Variants in SLC22A14 observed in about 807,000 individuals in gnomAD.
SLC22A14 encodes the protein organic cation transporter-like 4.
Under a neutral mutation model 53.9 loss-of-function variants are expected in SLC22A14, and 50 were observed. The observed-to-expected ratio is 0.93, with a 90% CI of 0.74 to 1.17. The LOEUF is 1.17. SLC22A14 is among the 50% of genes most tolerant of loss of function. SLC22A14 has a pLI of 0.00. For missense variants in SLC22A14, 671 were observed against 734.7 expected (o/e 0.91, Z 1.00); for synonymous variants, 312 against 303.0 (o/e 1.03, Z -0.31).
At chr3:38,304,913 A>G (rs73825521) in intron 1 of SLC22A14, among the ~76,000 whole-genome samples, 9,854 of 152,182 alleles carry the variant, frequency 0.065, 372 homozygotes, top group East Asian at 0.16. Flanking sequence ...TAAATCTTCT[A>G]TCTACCAAGT....
At chr3:38,313,691 C>CGCGCGCGCGT (rs770295334) in intron 7 of SLC22A14, 36 bp from the exon 8 acceptor site, 6 of 941,022 alleles carry the variant, frequency 6.4e-6, no homozygotes, top group East Asian at 6.9e-5. Context: ...TGTGTGCGCG[C>CGCGCGCGCGT]GTGTGCACGC....
At chr3:38,305,661 C>CG in intron 1 of SLC22A14, 3 of 199,452 alleles carry the variant, frequency 1.5e-5, no homozygotes, top group South Asian at 2.5e-4. Flanking sequence ...AAGAAAAGGT[C>CG]CCTAGAGACC....
At chr3:38,306,595 C>G in intron 2 of SLC22A14, 53 bp downstream of exon 2, 1 of 1,516,374 alleles carries the variant, frequency 6.6e-7, no homozygotes, top group Non-Finnish European at 9.0e-7. Context: ...AGAGTTGTGC[C>G]TCCCACCCTC....
At chr3:38,314,608 C>T (rs956313712) in intron 8 of SLC22A14, among the ~76,000 whole-genome samples, 4 of 152,334 alleles carry the variant, frequency 2.6e-5, no homozygotes, top group Non-Finnish European at 4.4e-5. Context: ...TGACTGCCTG[C>T]GGAGCCCTTT....
intron 6 of SLC22A14, 104 bp from the exon 7 acceptor site, chr3:38,313,284 C>A: frequency 7.2e-7 from 1 of 1,387,668 alleles, no homozygotes; most frequent in Non-Finnish European, 1.0e-6. Flanking sequence ...AGGCCAGAAG[C>A]CAGCTGGCAC....
At chr3:38,282,206 G>A (rs1026110399), upstream of SLC22A14, 2 of 152,308 alleles carry the variant, frequency 1.3e-5, no homozygotes, top group Non-Finnish European at 2.9e-5. Context: ...TGTCCCTGGA[G>A]TAGAATGCTG....
rs1226757131 is a variant in SLC22A14, at chr3:38,309,058, CCCCACTGG to C, written c.882_889del (p.His295AlafsTer76). Reference sequence around the variant, plus strand: ...GCTGACAGGGATCGCCTACAGTCTTCCCCACTGGCAGCTGCTGTTTCTGGTGGGTGGGA... The same window carrying C: ...GCTGACAGGGATCGCCTACAGTCTTCCAGCTGCTGTTTCTGGTGGGTGGGA... On this transcript the variant is annotated frameshift_variant, in exon 5 of 11. Transcript: ENST00000448498. LOFTEE classifies it high-confidence loss of function. 1 of 1,613,786 alleles carries C rather than the reference CCCCACTGG, an allele frequency of 6.2e-7. No homozygotes were observed. Among genetic ancestry groups the C allele is most frequent in the African/African-American group, 1.3e-5 (1 of 74,932 alleles).
chr3:38,300,338 C>T (rs1214414592), intron 1 of SLC22A14, among the ~76,000 whole-genome samples: 1 of 151,974 alleles, frequency 6.6e-6, no homozygotes, highest in Admixed American at 6.6e-5. Context: ...TACTCGGGAG[C>T]CTGAGGTAGG....
intron 1 of SLC22A14, among the ~76,000 whole-genome samples, chr3:38,288,625 A>T (rs1703841912): frequency 6.6e-6 from 1 of 152,122 alleles, no homozygotes; most frequent in Non-Finnish European, 1.5e-5. Context: ...TGTCATCCTA[A>T]TGGGTGTCTT....
rs769102906 is a variant in SLC22A14, at chr3:38,306,432, C to T, written c.406C>T (p.Pro136Ser). ...GSFLTCFMYL[P>S]VPWNLDSIIQ... ...TTTCCTGACATGCTTCATGTACCTTCCTGTGCCTTGGAATCTGGATTCTAT... is the reference window on the plus strand; with the variant it reads ...TTTCCTGACATGCTTCATGTACCTTTCTGTGCCTTGGAATCTGGATTCTAT... Residue 136 changes from proline to serine, a missense_variant, in exon 2 of 11, where the codon CCT (proline) becomes TCT (serine). Coordinates refer to ENST00000448498, the MANE Select transcript of SLC22A14 (RefSeq NM_001320033.2). The T allele has an allele frequency of 6.2e-7, 1 of 1,614,240 alleles. No individual in the cohort carries two copies. The highest frequency in any genetic ancestry group is 8.5e-7 in the Non-Finnish European group (1 of 1,180,040).
At chr3:38,295,529 C>T (rs1704012876) in intron 1 of SLC22A14, among the ~76,000 whole-genome samples, 1 of 151,688 alleles carries the variant, frequency 6.6e-6, no homozygotes, top group African/African-American at 2.4e-5. Context: ...AGGTTACGTC[C>T]TTGTTTACAC....
intron 1 of SLC22A14, among the ~76,000 whole-genome samples, chr3:38,304,986 T>A (rs1415249839): frequency 6.6e-6 from 1 of 152,220 alleles, no homozygotes. Flanking sequence ...TGTGTCAAAT[T>A]TGTTTAACTT....
intron 8 of SLC22A14, among the ~76,000 whole-genome samples, 194 bp from the exon 9 acceptor site, chr3:38,315,364 C>T (rs1405829999): frequency 6.6e-6 from 1 of 152,254 alleles, no homozygotes; most frequent in East Asian, 1.9e-4. Context: ...GGGACCTCCC[C>T]ACCCCTGCTG....
In SLC22A14 at chr3:38,307,746, G is replaced by A. The variant is rs772666811; in HGVS notation, c.775+26G>A. 4.9e-5 allele frequency: 79 copies of A among 1,612,874 alleles called. No individual in the cohort carries two copies. The South Asian group carries it at 8.1e-4, about 17-fold the overall frequency. ...GTGAGACTGGGCCTCAATGGGGCAGGGCAGGGTGGCACAGGGGCATGGCGG... is the reference window on the plus strand; with the variant it reads ...GTGAGACTGGGCCTCAATGGGGCAGAGCAGGGTGGCACAGGGGCATGGCGG... On this transcript the variant is annotated intron_variant, in intron 4 of 10. Transcript: ENST00000448498. The surrounding 1 kb of genome is among the most constrained non-coding windows in gnomAD (Gnocchi z 4.4).
intron 1 of SLC22A14, among the ~76,000 whole-genome samples, chr3:38,295,029 C>A (rs1703996816): frequency 6.6e-6 from 1 of 152,120 alleles, no homozygotes; most frequent in South Asian, 2.1e-4. Context: ...TTTGAGCAGA[C>A]CAATTATTAG....
chr3:38,306,057 C>T lies in SLC22A14; in HGVS notation c.31C>T (p.Leu11Phe), dbSNP rs768525809. The T allele has an allele frequency of 1.4e-5, 23 of 1,613,466 alleles. No homozygotes were observed. In the South Asian group the frequency reaches 2.4e-4, roughly 17 times the overall value. The stretch of plus-strand genomic sequence containing the variant: ...AGGAGAGGAGAACTTCAAGGAAGAG[C>T]TCAGATCCCAGGATGCTTCCAGGAA... Reference protein sequence around the residue: MAGEENFKEELRSQDASRNLN... With the variant: MAGEENFKEEFRSQDASRNLN... Residue 11 changes from leucine (L) to phenylalanine (F), a missense_variant, in exon 2 of 11, where the codon CTC becomes TTC. Transcript: ENST00000448498.
At chr3:38,311,074 A>T (rs1414535059) in intron 5 of SLC22A14, among the ~76,000 whole-genome samples, 1 of 152,194 alleles carries the variant, frequency 6.6e-6, no homozygotes, top group Non-Finnish European at 1.5e-5. Context: ...CAGTCCCCGC[A>T]TCTATCTAAG....
chr3:38,297,520 G>A lies in SLC22A14; in HGVS notation c.1-8507G>A, dbSNP rs548302140. ...CAGGATGTGCAGATTTGTTACACAGGTAAATGTGTCCCATGGTGGTTTGCT... is the reference window on the plus strand; with the variant it reads ...CAGGATGTGCAGATTTGTTACACAGATAAATGTGTCCCATGGTGGTTTGCT... On this transcript the variant is annotated intron_variant, in intron 1 of 10. Transcript: ENST00000448498. 4.9e-4 allele frequency among the ~76,000 whole-genome samples: 75 copies of A among 152,154 alleles called. 1 individual carries two copies. Among genetic ancestry groups the A allele is most frequent in the African/African-American group, 1.8e-3 (75 of 41,520 alleles).
chr3:38,284,837 C>T (rs1703754864), intron 1 of SLC22A14, among the ~76,000 whole-genome samples: 1 of 152,046 alleles, frequency 6.6e-6, no homozygotes, highest in African/African-American at 2.4e-5. Context: ...AATTATAAGA[C>T]CCAATGCTGC....
Sources: allele counts gnomAD v4.1 joint callset (sites outside exome capture counted in the v4.1 genomes callset), GRCh38; gene constraint gnomAD v4.1.1; non-coding constraint Gnocchi (gnomAD v3.1); transcripts MANE v1.5; gene names NCBI Gene and HGNC (gene_info 2026-07-23, HGNC 2026-07-21).